PCDHGA2: variants seen among roughly 807,000 people sequenced by gnomAD.
PCDHGA2 encodes protocadherin gamma-A2.
In PCDHGA2, 40 loss-of-function variants were observed where a neutral mutation model predicts 59.2. That is an observed-to-expected ratio of 0.68 (90% CI 0.52 to 0.88). PCDHGA2 has a LOEUF of 0.88. Ranked by LOEUF, PCDHGA2 falls within the 40% of genes least tolerant of loss-of-function variation. The pLI is 0.00. For missense variants in PCDHGA2, 1,226 were observed against 1,204.0 expected (o/e 1.02, Z -0.27); for synonymous variants, 560 against 526.0 (o/e 1.06, Z -0.89).
chr5:141,461,088 G>A (rs2099008870), intron 1 of PCDHGA2, among the ~76,000 whole-genome samples: 1 of 151,800 alleles, frequency 6.6e-6, no homozygotes, highest in Non-Finnish European at 1.5e-5. Context: ...GAATTGTGCT[G>A]CTATAAACAT....
intron 1 of PCDHGA2, chr5:141,370,863 G>A (rs755596039): frequency 6.2e-7 from 1 of 1,614,050 alleles, no homozygotes; most frequent in Non-Finnish European, 8.5e-7. Context: ...CCTGGAATCT[G>A]CGCAAGATCC....
In PCDHGA2 at chr5:141,491,908, G is replaced by T; in HGVS notation, c.2425-2899G>T. ...GGGGCTCCGAGCACCGGGGGTGGTG[G>T]CGACTGTGGGCGAGGGGAGGTGGGA... On this transcript the variant is annotated intron_variant, in intron 1 of 3. Transcript: ENST00000394576. The surrounding 1 kb of genome is among the most constrained non-coding windows in gnomAD (Gnocchi z 6.9). 7.1e-7 allele frequency: 1 copy of T among 1,408,288 alleles called. No homozygotes were observed. Among genetic ancestry groups the T allele is most frequent in the Non-Finnish European group, 9.4e-7 (1 of 1,060,836 alleles). The allele number at this position is 1,408,288 out of a possible 1,614,324, so 87.2% of individuals were successfully genotyped here. A position where few individuals can be genotyped will look rare whatever the true frequency, so the allele number is the denominator to read the frequency against.
intron 1 of PCDHGA2, chr5:141,366,889 A>G (rs1764852255): frequency 1.6e-6 from 2 of 1,264,154 alleles, no homozygotes; most frequent in African/African-American, 1.5e-5. Flanking sequence ...TTTTTTTTAT[A>G]TAATTCATGC....
intron 1 of PCDHGA2, chr5:141,389,125 C>T: frequency 6.2e-7 from 1 of 1,614,004 alleles, no homozygotes; most frequent in African/African-American, 1.3e-5. Flanking sequence ...GAGCAGAATC[C>T]AGAGTACAAT....
intron 1 of PCDHGA2, among the ~76,000 whole-genome samples, chr5:141,445,851 A>G (rs957077325): frequency 2.0e-5 from 3 of 152,210 alleles, no homozygotes; most frequent in African/African-American, 7.2e-5. Context: ...CACACTTAAA[A>G]TTCTGGATTT....
intron 1 of PCDHGA2, among the ~76,000 whole-genome samples, chr5:141,447,162 G>A (rs1213550616): frequency 6.6e-6 from 1 of 151,700 alleles, no homozygotes; most frequent in African/African-American, 2.4e-5. Flanking sequence ...TTGTTTAAGC[G>A]GGGTCTTGCT....
At chr5:141,351,887 A>C (rs778485455) in intron 1 of PCDHGA2, 1 of 1,613,388 alleles carries the variant, frequency 6.2e-7, no homozygotes, top group Admixed American at 1.7e-5. Context: ...CGCCAACGTG[A>C]GCCTGCGCGT....
At chr5:141,346,021 C>A (rs773863555) in intron 1 of PCDHGA2, 6 of 1,613,366 alleles carry the variant, frequency 3.7e-6, no homozygotes, top group Non-Finnish European at 4.2e-6. Context: ...CTCACCGTGG[C>A]CGTGGCCGAC....
At chr5:141,441,747 G>A in intron 1 of PCDHGA2, 2 of 372,470 alleles carry the variant, frequency 5.4e-6, no homozygotes, top group Non-Finnish European at 5.4e-6. Flanking sequence ...CGCGCTCGGC[G>A]TCAACGTGAG....
In PCDHGA2 at chr5:141,394,778, C is replaced by T. The variant is rs377451053; in HGVS notation, c.2424+53383C>T. ...AGGACCATGGCCAGCCCCCTCTCTC[C>T]GCCACTGTCACGCTCACCGTAGCCG... On this transcript the variant is annotated intron_variant, in intron 1 of 3. Transcript: ENST00000394576. 8 of 1,613,514 alleles carry T rather than the reference C, an allele frequency of 5.0e-6. No individual in the cohort carries two copies. In the South Asian group the frequency reaches 7.7e-5, roughly 15 times the overall value.
At chr5:141,348,702 G>T (rs1313395015) in intron 1 of PCDHGA2, among the ~76,000 whole-genome samples, 1 of 152,082 alleles carries the variant, frequency 6.6e-6, no homozygotes, top group Non-Finnish European at 1.5e-5. Context: ...GAATGGGCAA[G>T]AATCCACTAC....
At chr5:141,420,359 A>G in intron 1 of PCDHGA2, 1 of 1,378,858 alleles carries the variant, frequency 7.3e-7, no homozygotes, top group Non-Finnish European at 9.6e-7. Flanking sequence ...TTAAGATTCT[A>G]GATAACTTCT....
chr5:141,423,531 C>T, intron 1 of PCDHGA2: 1 of 1,613,736 alleles, frequency 6.2e-7, no homozygotes, highest in South Asian at 1.1e-5. Context: ...AGAAGAGTCA[C>T]CTGATTTTCC....
At chr5:141,441,087 TGACA>T (rs1168679217) in intron 1 of PCDHGA2, 1 of 152,174 alleles carries the variant, frequency 6.6e-6, no homozygotes, top group Non-Finnish European at 1.5e-5. Flanking sequence ...TGGTAGCAAG[TGACA>T]GAGAGGGACT....
intron 1 of PCDHGA2, chr5:141,350,778 A>T: frequency 6.2e-7 from 1 of 1,613,974 alleles, no homozygotes; most frequent in Non-Finnish European, 8.5e-7. Flanking sequence ...AACCCCAATC[A>T]ATACTTCTCT....
At chr5:141,383,464 A>C (rs368298668) in intron 1 of PCDHGA2, 99 of 1,613,728 alleles carry the variant, frequency 6.1e-5, no homozygotes, top group Non-Finnish European at 8.2e-5. Context: ...AGACGATGAA[A>C]CTAAGTACCC....
Position 141,404,163 on chromosome 5 carries a change from T to C in PCDHGA2, c.2424+62768T>C, listed in dbSNP as rs372897104. The C allele has an allele frequency of 4.6e-5, 74 of 1,613,126 alleles. No homozygotes were observed. The South Asian group carries it at 7.9e-4, about 17-fold the overall frequency. ...AATTCAGAAGAAGATTATTACAGATTGTTGACGGCCCAAATTCTTGACCGA... is the reference window on the plus strand; with the variant it reads ...AATTCAGAAGAAGATTATTACAGATCGTTGACGGCCCAAATTCTTGACCGA... On this transcript the variant is annotated intron_variant, in intron 1 of 3. Transcript: ENST00000394576.
At chr5:141,504,113 C>A (rs568207803) in intron 2 of PCDHGA2, among the ~76,000 whole-genome samples, 1 of 152,220 alleles carries the variant, frequency 6.6e-6, no homozygotes, top group Non-Finnish European at 1.5e-5. Flanking sequence ...TGTGTGTGTG[C>A]CAGGGCTGTT....
intron 1 of PCDHGA2, among the ~76,000 whole-genome samples, chr5:141,401,410 A>T (rs536817103): frequency 2.6e-5 from 4 of 152,354 alleles, no homozygotes; most frequent in African/African-American, 9.6e-5. Context: ...TGAGAGAGAA[A>T]GAGAGAGACT....
Sources: gnomAD v4.1 joint callset for allele counts (sites outside exome capture counted in the v4.1 genomes callset) on GRCh38, gnomAD v4.1.1 for gene constraint, Gnocchi (gnomAD v3.1) non-coding constraint, MANE v1.5 for transcripts, NCBI Gene and HGNC (gene_info 2026-07-23, HGNC 2026-07-21) for gene names.